Variants in ELMO1 observed in about 807,000 individuals in gnomAD.
ELMO1 encodes engulfment and cell motility 1.
A neutral mutation model predicts 98.9 loss-of-function variants in ELMO1; 26 were observed. That is an observed-to-expected ratio of 0.26 (90% CI 0.19 to 0.36). The LOEUF (loss-of-function observed/expected upper bound fraction) is 0.36. Ranked by LOEUF, ELMO1 falls within the 10% of genes least tolerant of loss-of-function variation. The pLI is 1.00. For missense variants in ELMO1, 627 were observed against 935.2 expected (o/e 0.67, Z 4.30); for synonymous variants, 346 against 346.0 (o/e 1.00, Z 0.00).
intron 13 of ELMO1, among the ~76,000 whole-genome samples, chr7:37,193,402 C>T (rs758340930): frequency 2.6e-5 from 4 of 152,078 alleles, no homozygotes; most frequent in East Asian, 1.9e-4. Context: ...TTTTCTAACA[C>T]GTAAACTGAA....
chr7:37,013,474 A>AAAC, intron 15 of ELMO1, 39 bp from the exon 16 acceptor site: 10 of 1,607,522 alleles, frequency 6.2e-6, no homozygotes, highest in Non-Finnish European at 8.5e-6. Context: ...AAAAGTTTTA[A>AAAC]AACAGTGAAA....
At chr7:37,420,051 G>A (rs892140906) in intron 1 of ELMO1, among the ~76,000 whole-genome samples, 4 of 152,120 alleles carry the variant, frequency 2.6e-5, no homozygotes, top group Non-Finnish European at 5.9e-5. Context: ...ATGTTTTCAC[G>A]ATTTACACAT....
At chr7:37,130,099 C>G (rs766061574) in intron 14 of ELMO1, among the ~76,000 whole-genome samples, 1 of 152,130 alleles carries the variant, frequency 6.6e-6, no homozygotes, top group Non-Finnish European at 1.5e-5. Flanking sequence ...CTGACCTGAC[C>G]CCCACATCTG....
At chr7:37,389,368 G>A (rs567335204) in intron 1 of ELMO1, among the ~76,000 whole-genome samples, 2 of 152,276 alleles carry the variant, frequency 1.3e-5, no homozygotes, top group South Asian at 4.1e-4. Context: ...TGGAAGAAAG[G>A]ACTTTCCAAG....
intron 14 of ELMO1, among the ~76,000 whole-genome samples, chr7:37,126,882 C>T (rs113084012): frequency 1.3e-3 from 200 of 152,252 alleles, no homozygotes; most frequent in African/African-American, 4.5e-3. Context: ...TACTTTTTAG[C>T]GCCTAAGAAG....
At chr7:37,240,039 T>C (rs1290447332) in intron 7 of ELMO1, among the ~76,000 whole-genome samples, 3 of 127,240 alleles carry the variant, frequency 2.4e-5, no homozygotes, top group Non-Finnish European at 4.9e-5. Flanking sequence ...TTTCTTTTTT[T>C]TTTTCTTTTT....
chr7:37,045,971 C>T (rs1795774202), intron 15 of ELMO1, among the ~76,000 whole-genome samples: 1 of 152,184 alleles, frequency 6.6e-6, no homozygotes, highest in African/African-American at 2.4e-5. Flanking sequence ...ATTGCTCCTC[C>T]ACCCAGCTGG....
intron 16 of ELMO1, among the ~76,000 whole-genome samples, chr7:36,971,820 A>G (rs1256975408): frequency 6.6e-6 from 1 of 152,222 alleles, no homozygotes; most frequent in Non-Finnish European, 1.5e-5. Flanking sequence ...TAAAAAAGGG[A>G]TTAATAGGAC....
At chr7:37,285,605 G>A (rs1797354022) in intron 4 of ELMO1, among the ~76,000 whole-genome samples, 1 of 152,190 alleles carries the variant, frequency 6.6e-6, no homozygotes, top group South Asian at 2.1e-4. Flanking sequence ...AATATAATGT[G>A]TGTTCATGCA....
chr7:37,108,758 C>T (rs1050601925), intron 14 of ELMO1, among the ~76,000 whole-genome samples: 1 of 152,118 alleles, frequency 6.6e-6, no homozygotes, highest in Non-Finnish European at 1.5e-5. Context: ...AGTAGGTGCT[C>T]AGTAATGAAG....
chr7:36,887,062 G>A (rs943888420), intron 18 of ELMO1, among the ~76,000 whole-genome samples: 1 of 152,186 alleles, frequency 6.6e-6, no homozygotes, highest in Non-Finnish European at 1.5e-5. Context: ...GAGCTGTGGA[G>A]TTTGAATCCT....
At chr7:36,921,961 T>C (rs1164354123) in intron 16 of ELMO1, among the ~76,000 whole-genome samples, 1 of 152,178 alleles carries the variant, frequency 6.6e-6, no homozygotes, top group Non-Finnish European at 1.5e-5. Context: ...TTGTGGAGTT[T>C]TCCCTATTCC....
intron 16 of ELMO1, among the ~76,000 whole-genome samples, chr7:36,909,616 G>A (rs1003186297): frequency 3.9e-5 from 6 of 152,198 alleles, no homozygotes; most frequent in Non-Finnish European, 8.8e-5. Flanking sequence ...GGGCTTGTAC[G>A]TACAGGTACA....
chr7:37,257,351 G>C (rs1018385241), intron 6 of ELMO1, among the ~76,000 whole-genome samples: 18 of 151,932 alleles, frequency 1.2e-4, no homozygotes, highest in African/African-American at 4.1e-4. Context: ...CACTTTGGGA[G>C]GCAGAGGCAG....
intron 16 of ELMO1, among the ~76,000 whole-genome samples, chr7:36,972,360 C>A (rs1790042362): frequency 6.6e-6 from 1 of 152,174 alleles, no homozygotes; most frequent in Admixed American, 6.5e-5. Context: ...TTTGGAAAGT[C>A]CATGAAAAGA....
chr7:37,258,666 T>C (rs1232829122), intron 6 of ELMO1, among the ~76,000 whole-genome samples: 1 of 152,202 alleles, frequency 6.6e-6, no homozygotes, highest in Non-Finnish European at 1.5e-5. Flanking sequence ...TAATGACAAG[T>C]ATTTAATCAT....
At chr7:37,038,181 T>C (rs1199870230) in intron 15 of ELMO1, among the ~76,000 whole-genome samples, 1 of 152,170 alleles carries the variant, frequency 6.6e-6, no homozygotes, top group Non-Finnish European at 1.5e-5. Context: ...TCCCAGAGCC[T>C]CCAGCTCCAC....
chr7:37,319,683 G>A (rs1287923678), intron 2 of ELMO1, among the ~76,000 whole-genome samples: 1 of 152,134 alleles, frequency 6.6e-6, no homozygotes, highest in African/African-American at 2.4e-5. Context: ...CATTTCTAGC[G>A]AACTTGTCCT....
intron 3 of ELMO1, 45 bp from the exon 4 acceptor site, chr7:37,314,967 A>T: frequency 6.4e-7 from 1 of 1,567,498 alleles, no homozygotes; most frequent in African/African-American, 1.4e-5. Context: ...GAAAGTGGCC[A>T]TTTTCATTTT....
Sources: gnomAD v4.1 joint callset for allele counts (sites outside exome capture counted in the v4.1 genomes callset) on GRCh38, gnomAD v4.1.1 for gene constraint, MANE v1.5 for transcripts, NCBI Gene and HGNC (gene_info 2026-07-23, HGNC 2026-07-21) for gene names.